Variants in TRAF3 observed in about 807,000 individuals in gnomAD.
The protein encoded by TRAF3 is TNF receptor-associated factor 3.
A neutral mutation model predicts 62.3 loss-of-function variants in TRAF3; 13 were observed. The observed-to-expected ratio is 0.21, with a 90% CI of 0.14 to 0.33. TRAF3 has a LOEUF of 0.33. Among genes scored for constraint, TRAF3 ranks in the 10% least tolerant of loss-of-function variants. The probability of loss-of-function intolerance (pLI) is 1.00; values close to 1 mark genes in which losing one functional copy is unlikely to be tolerated. For synonymous variants in TRAF3, 269 were observed against 283.4 expected, an observed-to-expected ratio of 0.95 and a Z score of 0.51; for missense variants, 440 against 741.8, an observed-to-expected ratio of 0.59 and a Z score of 4.73.
chr14:102,904,809 C>CA (rs36006172), intron 11 of TRAF3, among the ~76,000 whole-genome samples: 5,677 of 79,846 alleles, frequency 0.071, 222 homozygotes, highest in African/African-American at 0.12. Flanking sequence ...GACTCCATCT[C>CA]AAAAAAAAAA....
chr14:102,816,698 T>C (rs932371763), intron 1 of TRAF3, among the ~76,000 whole-genome samples: 18 of 152,352 alleles, frequency 1.2e-4, no homozygotes, highest in Middle Eastern at 3.4e-3. Flanking sequence ...CATATGATTG[T>C]GGCAGTTTCT....
intron 1 of TRAF3, among the ~76,000 whole-genome samples, chr14:102,782,747 C>G (rs1387657725): frequency 6.6e-6 from 1 of 151,804 alleles, no homozygotes; most frequent in African/African-American, 2.4e-5. Flanking sequence ...GGTAACTTCT[C>G]ATGAGGCCAT....
intron 6 of TRAF3, among the ~76,000 whole-genome samples, chr14:102,879,175 A>T (rs1888895025): frequency 6.6e-6 from 1 of 151,724 alleles, no homozygotes; most frequent in Non-Finnish European, 1.5e-5. Flanking sequence ...GGCTGCCTAG[A>T]GGCTGGGGTG....
At chr14:102,816,875 CT>C (rs1899562136) in intron 1 of TRAF3, among the ~76,000 whole-genome samples, 1 of 152,218 alleles carries the variant, frequency 6.6e-6, no homozygotes, top group Admixed American at 6.5e-5. Context: ...ACTTCTGAAT[CT>C]AGCGCATGCA....
intron 2 of TRAF3, among the ~76,000 whole-genome samples, chr14:102,866,246 G>T (rs1435063704): frequency 6.6e-6 from 1 of 152,138 alleles, no homozygotes; most frequent in African/African-American, 2.4e-5. Flanking sequence ...CATGGACACA[G>T]GGAGGGGAAC....
chr14:102,870,047 CAT>C, intron 2 of TRAF3, 136 bp from the exon 3 acceptor site: 1 of 970,274 alleles, frequency 1.0e-6, no homozygotes, highest in Non-Finnish European at 1.6e-6. Context: ...GTTCCCAACA[CAT>C]ATTAAAGTTG....
chr14:102,883,186 A>G (rs372542895), intron 6 of TRAF3, among the ~76,000 whole-genome samples: 1 of 152,184 alleles, frequency 6.6e-6, no homozygotes, highest in Non-Finnish European at 1.5e-5. Context: ...CGGAGCACCC[A>G]TCAGCAGGTG....
rs576548736 is a variant in TRAF3, at chr14:102,823,448, T to C, written c.-156-6886T>C. 1.5e-4 allele frequency among the ~76,000 whole-genome samples: 23 copies of C among 152,362 alleles called. No homozygotes were observed. The East Asian group carries it at 3.3e-3, about 22-fold the overall frequency. ...TACATTTGCACAAATATGTGACTTA[T>C]ATTTTATATTAAAATTAAGATCAAC... On this transcript the variant is annotated intron_variant, in intron 1 of 11. Coordinates refer to ENST00000392745, the MANE Select transcript of TRAF3 (RefSeq NM_145725.3).
At position 102,875,588 on chromosome 14, in the gene TRAF3, TATTAATCCTCCAAAATA is replaced by T. The variant is rs1304953999; in HGVS notation, c.298-33_298-17del. The T allele has an allele frequency of 1.3e-6, 2 of 1,575,514 alleles. No homozygotes were observed. Among genetic ancestry groups the T allele is most frequent in the Non-Finnish European group, 1.7e-6 (2 of 1,147,358 alleles). Reference sequence around the variant, plus strand: ...GTAGCAGCATGTGGAGATTAAGAAATATTAATCCTCCAAAATAATGATCTTTCATTTTCAGGTGTTTA... The same window carrying T: ...GTAGCAGCATGTGGAGATTAAGAAATATGATCTTTCATTTTCAGGTGTTTA... On this transcript the variant is annotated intron_variant, in intron 4 of 11. Transcript: ENST00000392745.
intron 11 of TRAF3, among the ~76,000 whole-genome samples, chr14:102,904,676 G>A (rs773765994): frequency 1.3e-5 from 2 of 152,056 alleles, no homozygotes; most frequent in Non-Finnish European, 2.9e-5. Context: ...CGGGCATGGT[G>A]GCGGGCGCCT....
chr14:102,855,121 G>A lies in TRAF3; in HGVS notation c.-17-15064G>A, dbSNP rs142361269. Among the ~76,000 whole-genome samples the A allele has an allele frequency of 4.7e-3, 720 of 152,218 alleles. 11 individuals carry two copies. The highest frequency in any genetic ancestry group is 0.016 in the African/African-American group (671 of 41,508). On this transcript the variant is annotated intron_variant, in intron 2 of 11. Coordinates refer to ENST00000392745, the MANE Select transcript of TRAF3 (RefSeq NM_145725.3). ...CCTTTGCTTCTGACTTACTCACTTAGCATGTTTTCAGGGTTCATCCATGTT... is the reference window on the plus strand; with the variant it reads ...CCTTTGCTTCTGACTTACTCACTTAACATGTTTTCAGGGTTCATCCATGTT...
chr14:102,791,144 C>G (rs1048297365), intron 1 of TRAF3, among the ~76,000 whole-genome samples: 26 of 151,776 alleles, frequency 1.7e-4, no homozygotes, highest in African/African-American at 4.8e-4. Context: ...CTCAGCCTCC[C>G]GAGTAGCTGG....
intron 9 of TRAF3, among the ~76,000 whole-genome samples, chr14:102,896,601 A>G (rs1890022024): frequency 6.6e-6 from 1 of 152,210 alleles, no homozygotes; most frequent in Admixed American, 6.5e-5. Flanking sequence ...GTTTCTTACT[A>G]TGTTACCTGG....
intron 1 of TRAF3, among the ~76,000 whole-genome samples, chr14:102,802,919 A>G (rs935473670): frequency 3.0e-4 from 45 of 152,206 alleles, no homozygotes; most frequent in African/African-American, 1.1e-3. Context: ...GGGAGGCCTC[A>G]GGAAACTTAC....
At chr14:102,901,491 A>G (rs1449336842) in intron 10 of TRAF3, among the ~76,000 whole-genome samples, 1 of 152,172 alleles carries the variant, frequency 6.6e-6, no homozygotes, top group Non-Finnish European at 1.5e-5. Context: ...GGTGCTCACT[A>G]GAGGAGCCGT....
At chr14:102,868,238 A>G (rs1888119079) in intron 2 of TRAF3, among the ~76,000 whole-genome samples, 1 of 152,192 alleles carries the variant, frequency 6.6e-6, no homozygotes, top group South Asian at 2.1e-4. Flanking sequence ...TATCGTGAGA[A>G]AGGATGGAGG....
At chr14:102,896,616 CA>C (rs1185978723) in intron 9 of TRAF3, among the ~76,000 whole-genome samples, 2 of 152,096 alleles carry the variant, frequency 1.3e-5, no homozygotes, top group African/African-American at 4.8e-5. Context: ...ACCTGGTCAA[CA>C]ATTGAAAAAT....
Position 102,792,113 on chromosome 14 carries a change from C to CTTTTT in TRAF3, c.-157+14461_-157+14465dup, listed in dbSNP as rs35895214. ...ACAGGTGCGAGCCACTGTGCCTGGA[C>CTTTTT]TTTTTTTTTTTTTTTTTTTTTTTTT... On this transcript the variant is annotated intron_variant, in intron 1 of 11. Coordinates refer to ENST00000392745, the MANE Select transcript of TRAF3 (RefSeq NM_145725.3). Among the ~76,000 whole-genome samples the CTTTTT allele has an allele frequency of 2.8e-3, 278 of 97,694 alleles. 109 individuals carry two copies. Among genetic ancestry groups the CTTTTT allele is most frequent in the Middle Eastern group, 5.8e-3 (1 of 172 alleles). 64.1% of individuals were successfully genotyped at this position (97,694 alleles called of 152,430 possible). A position where few individuals can be genotyped will look rare whatever the true frequency, so the allele number is the denominator to read the frequency against.
chr14:102,792,595 A>C (rs1164947944), intron 1 of TRAF3, among the ~76,000 whole-genome samples: 1 of 150,298 alleles, frequency 6.7e-6, no homozygotes, highest in African/African-American at 2.5e-5. Flanking sequence ...TTTTAATGGA[A>C]GGTTGTTGAG....
Sources: allele counts gnomAD v4.1 joint callset (sites outside exome capture counted in the v4.1 genomes callset), GRCh38; gene constraint gnomAD v4.1.1; transcripts MANE v1.5; gene names NCBI Gene and HGNC (gene_info 2026-07-23, HGNC 2026-07-21).